The following CPAP variants were observed in gnomAD, a reference collection of about 807,000 sequenced individuals.
CPAP encodes the protein centrosomal P4.1-associated protein.
At chr13:24,899,411 T>A in the CPAP span, 10 of 1,605,192 alleles carry the variant, frequency 6.2e-6, no homozygotes, top group Non-Finnish European at 7.7e-6. Flanking sequence ...CATAAAGAAC[T>A]AGCATACCTG....
chr13:24,915,748 G>A, the CPAP span, among the ~76,000 whole-genome samples: 5 of 152,078 alleles, frequency 3.3e-5, no homozygotes, highest in Admixed American at 1.3e-4. Context: ...GCAGTGAGCC[G>A]AGATAGCGTT....
chr13:24,909,525 C>CA, the CPAP span, among the ~76,000 whole-genome samples: 4,360 of 115,404 alleles, frequency 0.038, 113 homozygotes, highest in Admixed American at 0.089. Context: ...GAGACTGTCT[C>CA]AAAAAAAAAA....
the CPAP span, chr13:24,884,177 GAAATGT>G: frequency 6.2e-7 from 1 of 1,614,056 alleles, no homozygotes; most frequent in Admixed American, 1.7e-5. Context: ...GTCCACTTGA[GAAATGT>G]AAGACTTCCA....
At chr13:24,902,739 C>T in the CPAP span, among the ~76,000 whole-genome samples, 47 of 152,244 alleles carry the variant, frequency 3.1e-4, no homozygotes, top group East Asian at 2.9e-3. Flanking sequence ...TCAACCACTT[C>T]GGAACTCTGG....
the CPAP span, chr13:24,892,841 T>C: frequency 6.2e-7 from 1 of 1,609,562 alleles, no homozygotes; most frequent in South Asian, 1.1e-5. Context: ...AATCTTCCCG[T>C]AAATCTGCTA....
the CPAP span, chr13:24,892,517 C>CA: frequency 1.3e-6 from 1 of 755,678 alleles, no homozygotes; most frequent in Non-Finnish European, 2.3e-6. Flanking sequence ...TCCACATTCA[C>CA]AGTCACTCCC....
chr13:24,914,160 T>C, the CPAP span, among the ~76,000 whole-genome samples: 1 of 152,082 alleles, frequency 6.6e-6, no homozygotes, highest in African/African-American at 2.4e-5. Context: ...GTGGACAGCA[T>C]CCTCATTTAG....
the CPAP span, among the ~76,000 whole-genome samples, chr13:24,891,874 C>T: frequency 1.3e-5 from 2 of 152,200 alleles, no homozygotes; most frequent in East Asian, 3.8e-4. Flanking sequence ...CCGATTGCCC[C>T]GTCTCAGGCC....
chr13:24,913,210 C>G, the CPAP span: 1 of 582,864 alleles, frequency 1.7e-6, no homozygotes, highest in Non-Finnish European at 3.0e-6. Flanking sequence ...TACAAAAGAC[C>G]TTAACTAGCA....
the CPAP span, among the ~76,000 whole-genome samples, chr13:24,893,448 G>A: frequency 1.3e-5 from 2 of 152,260 alleles, no homozygotes; most frequent in Non-Finnish European, 2.9e-5. Context: ...GGAAGGAGCA[G>A]GGCACCGAAG....
At chr13:24,911,999 A>G in the CPAP span, 33 of 1,614,034 alleles carry the variant, frequency 2.0e-5, no homozygotes, top group African/African-American at 2.7e-5. Context: ...TTGTTCTTCC[A>G]TGAGTCTCTG....
chr13:24,906,123 C>T, the CPAP span: 1 of 1,612,932 alleles, frequency 6.2e-7, no homozygotes, highest in Non-Finnish European at 8.5e-7. Flanking sequence ...TGGTCCAAAT[C>T]CTCACTGCGG....
chr13:24,911,989 T>G, the CPAP span: 1 of 1,614,198 alleles, frequency 6.2e-7, no homozygotes, highest in Non-Finnish European at 8.5e-7. Context: ...GCAGCTTCTC[T>G]TGTTCTTCCA....
chr13:24,923,376 G>A, the CPAP span, among the ~76,000 whole-genome samples: 2 of 151,918 alleles, frequency 1.3e-5, no homozygotes, highest in African/African-American at 4.8e-5. Flanking sequence ...ACACCATTTC[G>A]TAAGACGAAA....
At chr13:24,906,358 C>T in the CPAP span, 3 of 1,612,410 alleles carry the variant, frequency 1.9e-6, no homozygotes, top group African/African-American at 2.7e-5. Flanking sequence ...AAGTCTCTAA[C>T]TTTTTCTGAA....
At chr13:24,903,938 A>G in the CPAP span, 1 of 1,614,124 alleles carries the variant, frequency 6.2e-7, no homozygotes, top group Non-Finnish European at 8.5e-7. Context: ...GAGTTTTTCC[A>G]AGGCACTTTC....
At chr13:24,913,039 C>T in the CPAP span, 3 of 1,609,516 alleles carry the variant, frequency 1.9e-6, no homozygotes, top group Admixed American at 5.0e-5. Context: ...AGTCCAATGA[C>T]ACTATTATAT....
the CPAP span, chr13:24,892,537 C>A: frequency 9.0e-6 from 8 of 887,626 alleles, no homozygotes; most frequent in Non-Finnish European, 1.3e-5. Flanking sequence ...CCACTGCCCC[C>A]CCAGCCCCTG....
At chr13:24,912,480 G>T in the CPAP span, 2 of 996,936 alleles carry the variant, frequency 2.0e-6, no homozygotes, top group Non-Finnish European at 1.5e-6. Flanking sequence ...GAGGATTTCA[G>T]AGTGAAGGGG....
Sources: allele counts gnomAD v4.1 joint callset (sites outside exome capture counted in the v4.1 genomes callset), GRCh38; gene constraint gnomAD v4.1.1; transcripts MANE v1.5; gene names NCBI Gene and HGNC (gene_info 2026-07-23, HGNC 2026-07-21).